STAM2: variants seen among roughly 807,000 people sequenced by gnomAD.
STAM2 encodes the protein signal transducing adaptor molecule 2.
Under a neutral mutation model 65.6 loss-of-function variants are expected in STAM2, and 51 were observed. The ratio of observed to expected loss-of-function variants is 0.78; its 90% CI spans 0.62 to 0.98. The LOEUF is 0.98. STAM2 is among the 50% of genes least tolerant of loss of function. The pLI, the probability that STAM2 is intolerant of heterozygous loss-of-function variation, is 0.00. For synonymous variants in STAM2, 198 were observed against 208.4 expected, an observed-to-expected ratio of 0.95 and a Z score of 0.43; for missense variants, 584 against 617.8, an observed-to-expected ratio of 0.95 and a Z score of 0.58.
At chr2:152,134,007 T>C (rs570279485) in intron 8 of STAM2, among the ~76,000 whole-genome samples, 26 of 152,286 alleles carry the variant, frequency 1.7e-4, no homozygotes, top group Admixed American at 1.6e-3. Flanking sequence ...ACTTCGATAA[T>C]AGTTAAAACA....
At chr2:152,136,183 C>G (rs964679786) in intron 7 of STAM2, among the ~76,000 whole-genome samples, 2 of 151,962 alleles carry the variant, frequency 1.3e-5, no homozygotes, top group Non-Finnish European at 2.9e-5. Flanking sequence ...TAGGTCATGC[C>G]TGTAATCCCA....
chr2:152,133,662 C>A (rs934123165), intron 8 of STAM2, among the ~76,000 whole-genome samples, 178 bp from the exon 9 acceptor site: 1 of 152,084 alleles, frequency 6.6e-6, no homozygotes, highest in Non-Finnish European at 1.5e-5. Flanking sequence ...ATTTATTTCA[C>A]AAACATTTAT....
In STAM2 at chr2:152,120,640, C is replaced by T. The variant is rs765729847; in HGVS notation, c.1512G>A (p.Pro504=). 5.0e-6 allele frequency: 8 copies of T among 1,613,912 alleles called. No individual in the cohort carries two copies. Among genetic ancestry groups the T allele is most frequent in the African/African-American group, 1.3e-5 (1 of 74,874 alleles). Reference sequence around the variant, plus strand: ...CAACTGGATGAGCTGGAACTGTCACCGGAAAGCCTGCCAGTTGAGGCAAAT... The same window carrying T: ...CAACTGGATGAGCTGGAACTGTCACTGGAAAGCCTGCCAGTTGAGGCAAAT... ...TSNLPQLAGF[P]VTVPAHPVAQ... is the part of the protein sequence containing the mutation. Residue 504 remains proline (P), a synonymous_variant, in exon 14 of 14, where the codon CCG becomes CCA. Transcript: ENST00000263904.
chr2:152,133,415 A>T lies in STAM2; in HGVS notation c.869T>A (p.Val290Asp), dbSNP rs1375959377. ...EEIKKSEPEP[V>D]YIDEDKMDRA... ...GAGGGACCCTACCTCATCTATATAA[A>T]CAGGCTCAGGCTCTGATTTCTTAAT... The change falls in exon 9 of 14, where the codon GTT becomes GAT. Residue 290 changes from valine (V) to aspartate (D), a missense_variant. By Grantham distance (152) the Val-to-Asp change is radical. Coordinates refer to ENST00000263904, the MANE Select transcript of STAM2 (RefSeq NM_005843.6). 3 of 1,612,344 alleles carry T rather than the reference A, an allele frequency of 1.9e-6. No homozygotes were observed. Among genetic ancestry groups the T allele is most frequent in the Non-Finnish European group, 2.5e-6 (3 of 1,179,082 alleles).
rs1280310927 is a variant in STAM2 at position 152,175,710 on chromosome 2, A to G, written c.-68T>C. On this transcript the variant is annotated 5_prime_UTR_variant, in exon 1 of 14. Transcript: ENST00000263904. ...CTCAGCAACTGCTACCCGCCGGGTG[A>G]CCCGCGGCCGCGGCTCCCTAGACCG... 1 of 1,546,144 alleles carries G rather than the reference A, an allele frequency of 6.5e-7. No individual in the cohort carries two copies. Among genetic ancestry groups the G allele is most frequent in the African/African-American group, 1.4e-5 (1 of 73,178 alleles).
intron 7 of STAM2, among the ~76,000 whole-genome samples, chr2:152,141,040 G>A (rs185474694): frequency 3.0e-4 from 45 of 151,706 alleles, no homozygotes; most frequent in African/African-American, 1.0e-3. Context: ...TCAGGAGGTT[G>A]AGGTGGGAGA....
At chr2:152,131,182 C>T (rs1001125737) in intron 11 of STAM2, among the ~76,000 whole-genome samples, 1 of 152,048 alleles carries the variant, frequency 6.6e-6, no homozygotes, top group Non-Finnish European at 1.5e-5. Context: ...TGGCCAGGCA[C>T]AGTGGTTCAT....
chr2:152,129,002 C>T (rs1037472335), intron 11 of STAM2, among the ~76,000 whole-genome samples: 1 of 152,112 alleles, frequency 6.6e-6, no homozygotes, highest in South Asian at 2.1e-4. Flanking sequence ...AAACATTTCC[C>T]AGAACAGGAG....
chr2:152,142,785 T>C (rs535517979), intron 7 of STAM2, among the ~76,000 whole-genome samples: 17 of 152,248 alleles, frequency 1.1e-4, no homozygotes, highest in Non-Finnish European at 1.5e-4. Flanking sequence ...TAAAAAATTT[T>C]TCTTTATGGA....
At chr2:152,173,487 C>A (rs1470359621) in intron 1 of STAM2, among the ~76,000 whole-genome samples, 1 of 151,480 alleles carries the variant, frequency 6.6e-6, no homozygotes, top group Admixed American at 6.6e-5. Context: ...ACCTCCGCCT[C>A]CCGGGTTCAA....
intron 11 of STAM2, among the ~76,000 whole-genome samples, chr2:152,131,377 G>A (rs1239741070): frequency 1.3e-5 from 2 of 151,288 alleles, no homozygotes; most frequent in African/African-American, 4.9e-5. Flanking sequence ...TGCTTGAACC[G>A]GGGAGGCAGA....
intron 7 of STAM2, among the ~76,000 whole-genome samples, chr2:152,137,007 G>C (rs1192016376): frequency 6.8e-6 from 1 of 147,594 alleles, no homozygotes; most frequent in African/African-American, 2.5e-5. Context: ...AAATTCTCCT[G>C]TCACGGTCTC....
rs754101201 is a variant in STAM2, at chr2:152,148,139, A to T, written c.202-17T>A. On this transcript the variant is annotated splice_polypyrimidine_tract_variant and intron_variant, in intron 3 of 13. Transcript: ENST00000263904. Reference sequence around the variant, plus strand: ...CCCAAGAAGCTATTAATTGAAATAAAAATATATGAATATTGAAATATTAAC... The same window carrying T: ...CCCAAGAAGCTATTAATTGAAATAATAATATATGAATATTGAAATATTAAC... The T allele has an allele frequency of 6.3e-7, 1 of 1,590,218 alleles. No homozygotes were observed. The highest frequency in any genetic ancestry group is 1.8e-5 in the Admixed American group (1 of 56,106).
Position 152,123,871 on chromosome 2 carries a change from G to T in STAM2, c.1244C>A (p.Ala415Asp), listed in dbSNP as rs754143348. ...MGQSIHQVTV[A>D]QSYSLGPDQI... ...ATCGGGTCCTAGGCTATAGCTTTGGGCAACAGTTACTTGGTGAATGCTCTG... is the reference window on the plus strand; with the variant it reads ...ATCGGGTCCTAGGCTATAGCTTTGGTCAACAGTTACTTGGTGAATGCTCTG... Residue 415 changes from alanine to aspartate, a missense_variant, in exon 13 of 14, where the codon GCC becomes GAC. Ala to Asp is a moderately radical substitution (Grantham distance 126, BLOSUM62 -2). Coordinates refer to ENST00000263904, the MANE Select transcript of STAM2 (RefSeq NM_005843.6). 3 of 1,614,058 alleles carry T rather than the reference G, an allele frequency of 1.9e-6. No individual in the cohort carries two copies. Among genetic ancestry groups the T allele is most frequent in the Admixed American group, 3.3e-5 (2 of 60,020 alleles).
intron 1 of STAM2, among the ~76,000 whole-genome samples, chr2:152,164,910 T>C (rs1689749351): frequency 6.6e-6 from 1 of 152,164 alleles, no homozygotes; most frequent in Admixed American, 6.6e-5. Context: ...CAGCCTTTAT[T>C]TTCCTACAAG....
intron 1 of STAM2, among the ~76,000 whole-genome samples, chr2:152,152,006 C>A (rs1157698527): frequency 1.3e-5 from 2 of 152,108 alleles, no homozygotes; most frequent in Non-Finnish European, 2.9e-5. Flanking sequence ...GTGGTGTGAT[C>A]ACAACTCACT....
At position 152,135,536 on chromosome 2, in the gene STAM2, T is replaced by C. The variant is rs751984123; in HGVS notation, c.772A>G (p.Thr258Ala). 7.4e-6 allele frequency: 12 copies of C among 1,611,980 alleles called. No homozygotes were observed. The East Asian group carries it at 2.0e-4, about 27-fold the overall frequency. Residue 258 changes from threonine to alanine, a missense_variant, in exon 8 of 14, where the codon ACT becomes GCT. Thr to Ala is a moderately conservative substitution (Grantham distance 58, BLOSUM62 0). Coordinates refer to ENST00000263904, the MANE Select transcript of STAM2 (RefSeq NM_005843.6). ...IGLFPSNFVT[T>A]NLNIETEAAA... ...GCCTCAGTCTCTATGTTTAAATTAG[T>C]TGTTACAAAATTGGATGGGAAAAGT...
rs572167060 is a variant in STAM2 at position 152,119,449 on chromosome 2, T to C, written c.*1125A>G. The C allele has an allele frequency of 6.6e-6, 1 of 152,336 alleles. No homozygotes were observed. The highest frequency in any genetic ancestry group is 1.9e-4 in the East Asian group (1 of 5,194). The allele number at this position is 152,336 out of a possible 1,614,324, so 9.4% of individuals were successfully genotyped here. ...CTTCTGAAAGAAATGGTCAATTTTT[T>C]CAACAGCTTGGTATGTTGACAGCTT... On this transcript the variant is annotated 3_prime_UTR_variant, in exon 14 of 14. Transcript: ENST00000263904.
intron 1 of STAM2, among the ~76,000 whole-genome samples, chr2:152,160,698 G>T (rs1313324572): frequency 1.4e-5 from 2 of 145,812 alleles, no homozygotes; most frequent in Non-Finnish European, 3.0e-5. Flanking sequence ...GGAGGGAGGT[G>T]GGGGGGTCAG....
Sources: gnomAD v4.1 joint callset for allele counts (sites outside exome capture counted in the v4.1 genomes callset) on GRCh38, gnomAD v4.1.1 for gene constraint, MANE v1.5 for transcripts, NCBI Gene and HGNC (gene_info 2026-07-23, HGNC 2026-07-21) for gene names.